KIAA0319: variants seen among roughly 807,000 people sequenced by gnomAD.
The protein encoded by KIAA0319 is dyslexia-associated protein KIAA0319.
Under a neutral mutation model 108.4 loss-of-function variants are expected in KIAA0319, and 83 were observed. The ratio of observed to expected loss-of-function variants is 0.77; its 90% CI spans 0.64 to 0.92. KIAA0319 has a LOEUF of 0.92. Ranked by LOEUF, KIAA0319 falls within the 40% of genes least tolerant of loss-of-function variation. The probability of loss-of-function intolerance (pLI) is 0.00; values close to 1 mark genes in which losing one functional copy is unlikely to be tolerated. For synonymous variants in KIAA0319, 484 were observed against 510.4 expected (o/e 0.95, Z 0.70); for missense variants, 1,195 against 1,322.4 (o/e 0.90, Z 1.49).
At chr6:24,636,027 G>C (rs899872975) in intron 1 of KIAA0319, among the ~76,000 whole-genome samples, 1 of 152,210 alleles carries the variant, frequency 6.6e-6, no homozygotes, top group South Asian at 2.1e-4. Flanking sequence ...ATGTCAATGA[G>C]AGACTAAAAA....
chr6:24,610,826 A>G (rs1035655687), intron 1 of KIAA0319, among the ~76,000 whole-genome samples: 1 of 152,204 alleles, frequency 6.6e-6, no homozygotes, highest in Non-Finnish European at 1.5e-5. Context: ...CAAAAAGTAG[A>G]AACAACCCAA....
chr6:24,632,191 A>C (rs1299269438), intron 1 of KIAA0319, among the ~76,000 whole-genome samples: 1 of 152,248 alleles, frequency 6.6e-6, no homozygotes, highest in Non-Finnish European at 1.5e-5. Context: ...ATCAGGAAAT[A>C]AGTGGTTTAT....
intron 1 of KIAA0319, among the ~76,000 whole-genome samples, chr6:24,611,694 T>C (rs1221507096): frequency 6.6e-6 from 1 of 151,912 alleles, no homozygotes; most frequent in Non-Finnish European, 1.5e-5. Context: ...AAAAATTCAA[T>C]AGAAAAAGTC....
rs201586433 is a variant in KIAA0319 at position 24,625,996 on chromosome 6, C to T, written c.-106+19740G>A. ...CATATCATGGTATTATATATCTATC[C>T]GGTGGAATATTATTTGGCAATAAAA... On this transcript the variant is annotated intron_variant, in intron 1 of 20. Coordinates refer to ENST00000378214, the MANE Select transcript of KIAA0319 (RefSeq NM_014809.4). Among the ~76,000 whole-genome samples, 51 of 152,192 alleles carry T rather than the reference C, an allele frequency of 3.4e-4. 1 individual carries two copies. Among genetic ancestry groups the T allele is most frequent in the South Asian group, 1.2e-3 (6 of 4,820 alleles).
chr6:24,541,036 A>G (rs1316694842), downstream of KIAA0319, among the ~76,000 whole-genome samples: 3 of 152,198 alleles, frequency 2.0e-5, no homozygotes, highest in East Asian at 5.8e-4. Context: ...GAACTGTTTC[A>G]TCTCTACCTA....
At chr6:24,556,822 A>G in intron 17 of KIAA0319, 93 bp from the exon 18 acceptor site, 1 of 1,393,472 alleles carries the variant, frequency 7.2e-7, no homozygotes, top group Non-Finnish European at 9.6e-7. Context: ...TAGGTCCCAA[A>G]TAAAAGCATC....
intron 16 of KIAA0319, 90 bp from the exon 17 acceptor site, chr6:24,559,245 G>A: frequency 1.4e-6 from 2 of 1,440,980 alleles, no homozygotes; most frequent in South Asian, 1.3e-5. Context: ...TGTGAAACTG[G>A]GGAGGTAGAC....
Position 24,598,417 on chromosome 6 carries a change from C to A in KIAA0319, c.56-1799G>T, listed in dbSNP as rs756153963. ...GACCAACTGGAGCCTCCTGCAGCAG[C>A]AGAAGACAGTTTGGATGAATGTGGA... On this transcript the variant is annotated intron_variant, in intron 2 of 20. Transcript: ENST00000378214. The A allele has an allele frequency of 5.0e-6, 3 of 594,944 alleles. No individual in the cohort carries two copies. In the Admixed American group the frequency reaches 5.7e-5, roughly 11 times the overall value. The allele number at this position is 594,944 out of a possible 1,614,324, so 36.9% of individuals were successfully genotyped here.
chr6:24,640,933 C>T (rs1169987362), intron 1 of KIAA0319, among the ~76,000 whole-genome samples: 1 of 152,168 alleles, frequency 6.6e-6, no homozygotes, highest in Non-Finnish European at 1.5e-5. Flanking sequence ...CAATTACAGG[C>T]ATGAGACACT....
chr6:24,574,065 A>G (rs534458293), intron 10 of KIAA0319, among the ~76,000 whole-genome samples: 2 of 152,308 alleles, frequency 1.3e-5, no homozygotes, highest in African/African-American at 2.4e-5. Flanking sequence ...CAGTGAGCCA[A>G]GATGGTGCCA....
At chr6:24,554,191 T>G (rs1761977705) in intron 19 of KIAA0319, among the ~76,000 whole-genome samples, 1 of 152,212 alleles carries the variant, frequency 6.6e-6, no homozygotes, top group Non-Finnish European at 1.5e-5. Flanking sequence ...AAGCTGTTGC[T>G]TGACTGGTGT....
In KIAA0319 at chr6:24,599,557, T is replaced by A; in HGVS notation, c.55+1492A>T. 1.7e-6 allele frequency: 1 copy of A among 587,424 alleles called. No homozygotes were observed. Among genetic ancestry groups the A allele is most frequent in the Non-Finnish European group, 3.3e-6 (1 of 307,140 alleles). The allele number at this position is 587,424 out of a possible 1,614,324, so 36.4% of individuals were successfully genotyped here. On this transcript the variant is annotated intron_variant, in intron 2 of 20. Transcript: ENST00000378214. The surrounding 1 kb of genome is among the most constrained non-coding windows in gnomAD (Gnocchi z 4.1). ...GTGCTGGAGGGCGAGGAGAGCTGGCTGGAGTCTGGGATGCAGAACATGAAT... is the reference window on the plus strand; with the variant it reads ...GTGCTGGAGGGCGAGGAGAGCTGGCAGGAGTCTGGGATGCAGAACATGAAT...
intron 1 of KIAA0319, among the ~76,000 whole-genome samples, chr6:24,630,096 T>G (rs1375024713): frequency 6.6e-6 from 1 of 152,120 alleles, no homozygotes; most frequent in Non-Finnish European, 1.5e-5. Context: ...GGAGAATTGC[T>G]TGAACCTGGG....
chr6:24,637,300 G>A (rs1179725257), intron 1 of KIAA0319, among the ~76,000 whole-genome samples: 3 of 152,162 alleles, frequency 2.0e-5, no homozygotes, highest in Middle Eastern at 6.4e-3. Context: ...GTTAGCCAAA[G>A]CTTTAGCAGA....
At chr6:24,596,790 ATATATTCATCCTCC>A (rs1769683385) in intron 2 of KIAA0319, among the ~76,000 whole-genome samples, 172 bp from the exon 3 acceptor site, 1 of 152,128 alleles carries the variant, frequency 6.6e-6, no homozygotes, top group Non-Finnish European at 1.5e-5. Context: ...CCATCCAGCC[ATATATTCATCCTCC>A]TACCTTCCCA....
intron 1 of KIAA0319, among the ~76,000 whole-genome samples, chr6:24,631,755 T>C (rs1775612331): frequency 6.6e-6 from 1 of 152,234 alleles, no homozygotes; most frequent in African/African-American, 2.4e-5. Flanking sequence ...GCTATCTAAG[T>C]AGGTGCTTTG....
At chr6:24,587,753 A>AT (rs1017912783) in intron 4 of KIAA0319, among the ~76,000 whole-genome samples, 32 of 148,354 alleles carry the variant, frequency 2.2e-4, no homozygotes, top group African/African-American at 5.3e-4. Context: ...CGCCCAGCTA[A>AT]TTTTTTTTGT....
chr6:24,559,756 G>A (rs1450953645), intron 16 of KIAA0319, among the ~76,000 whole-genome samples: 1 of 152,094 alleles, frequency 6.6e-6, no homozygotes, highest in Non-Finnish European at 1.5e-5. Context: ...CTTCTAAAGT[G>A]TAAATGGAAT....
chr6:24,585,843 C>T (rs1703692428), intron 4 of KIAA0319, among the ~76,000 whole-genome samples: 1 of 152,132 alleles, frequency 6.6e-6, no homozygotes, highest in Admixed American at 6.5e-5. Context: ...AATCCCAGTA[C>T]TTTGGGAGGC....
Sources: gnomAD v4.1 joint callset for allele counts (sites outside exome capture counted in the v4.1 genomes callset) on GRCh38, gnomAD v4.1.1 for gene constraint, Gnocchi (gnomAD v3.1) non-coding constraint, MANE v1.5 for transcripts, NCBI Gene and HGNC (gene_info 2026-07-23, HGNC 2026-07-21) for gene names.